GPC5: variants seen among roughly 807,000 people sequenced by gnomAD.
The protein encoded by GPC5 is glypican-5.
GPC5 carries 47 observed loss-of-function variants against 53.9 expected under a neutral mutation model. That is an observed-to-expected ratio of 0.87 (90% CI 0.69 to 1.11). The LOEUF is 1.11. Among genes scored for constraint, GPC5 ranks in the 50% most tolerant of loss-of-function variants. GPC5 has a pLI of 0.00. For synonymous variants in GPC5, 286 were observed against 263.3 expected, an observed-to-expected ratio of 1.09 and a Z score of -0.84; for missense variants, 748 against 713.1, an observed-to-expected ratio of 1.05 and a Z score of -0.56.
Position 92,148,713 on chromosome 13 carries a change from C to G in GPC5, c.1561+3724C>G, listed in dbSNP as rs2041886139. ...AAGTCGCCTCACCCCTTGCCTGACACCTGCCATTCTTTCACAGTAGCTAAC... is the reference window on the plus strand; with the variant it reads ...AAGTCGCCTCACCCCTTGCCTGACAGCTGCCATTCTTTCACAGTAGCTAAC... On this transcript the variant is annotated intron_variant, in intron 7 of 7. Transcript: ENST00000377067. Among the ~76,000 whole-genome samples the G allele has an allele frequency of 2.0e-5, 3 of 152,036 alleles. 1 individual carries two copies. The highest frequency in any genetic ancestry group is 2.0e-4 in the Admixed American group (3 of 15,238).
intron 7 of GPC5, among the ~76,000 whole-genome samples, chr13:92,696,401 A>G (rs917266525): frequency 2.0e-5 from 3 of 152,210 alleles, no homozygotes; most frequent in African/African-American, 7.2e-5. Flanking sequence ...AACTGGCATG[A>G]GATGGTATCT....
chr13:92,119,495 G>C (rs1283221726), intron 6 of GPC5, among the ~76,000 whole-genome samples: 1 of 144,840 alleles, frequency 6.9e-6, no homozygotes, highest in Admixed American at 7.2e-5. Context: ...GCCCCCCGGG[G>C]TTCACACCAT....
At chr13:92,768,723 C>G (rs1361928144) in intron 7 of GPC5, among the ~76,000 whole-genome samples, 1 of 151,702 alleles carries the variant, frequency 6.6e-6, no homozygotes, top group African/African-American at 2.4e-5. Context: ...CTCTCTTCCC[C>G]CTGTCTTGCC....
At chr13:92,143,683 A>G (rs1290259193) in intron 6 of GPC5, among the ~76,000 whole-genome samples, 5 of 152,160 alleles carry the variant, frequency 3.3e-5, no homozygotes, top group Non-Finnish European at 7.4e-5. Context: ...TGTACTGTTT[A>G]ATTTTAAAAG....
intron 5 of GPC5, among the ~76,000 whole-genome samples, chr13:91,903,493 G>T (rs1242464826): frequency 6.6e-6 from 1 of 152,068 alleles, no homozygotes; most frequent in African/African-American, 2.4e-5. Context: ...AGTTCCAGTT[G>T]CTCCACATCT....
chr13:92,095,374 G>T (rs552653514), intron 6 of GPC5, among the ~76,000 whole-genome samples: 50 of 151,964 alleles, frequency 3.3e-4, no homozygotes, highest in African/African-American at 1.2e-3. Flanking sequence ...TTTAGATGGT[G>T]TCTCTCTTCG....
chr13:91,509,171 T>C (rs1410002088), intron 2 of GPC5, among the ~76,000 whole-genome samples: 1 of 152,102 alleles, frequency 6.6e-6, no homozygotes, highest in Non-Finnish European at 1.5e-5. Context: ...AAATTTATTA[T>C]TCTAATGCCC....
At chr13:92,344,057 A>T (rs921550028) in intron 7 of GPC5, among the ~76,000 whole-genome samples, 30 of 148,208 alleles carry the variant, frequency 2.0e-4, no homozygotes, top group African/African-American at 6.3e-4. Context: ...GGGAGGTTAG[A>T]ATCTAAGAAG....
intron 6 of GPC5, among the ~76,000 whole-genome samples, chr13:92,004,622 T>G (rs1316224096): frequency 6.6e-6 from 1 of 151,304 alleles, no homozygotes; most frequent in Non-Finnish European, 1.5e-5. Context: ...CATTAGTACA[T>G]TTTCATGCTG....
rs567268014 is a variant in GPC5, at chr13:91,920,733, C to T, written c.1401+12676C>T. ...ACAGGCATCAGATTTGTAGCTGTATCTCAGCAGGAATACTAGAAGACAATG... is the reference window on the plus strand; with the variant it reads ...ACAGGCATCAGATTTGTAGCTGTATTTCAGCAGGAATACTAGAAGACAATG... On this transcript the variant is annotated intron_variant, in intron 6 of 7. Coordinates refer to ENST00000377067, the MANE Select transcript of GPC5 (RefSeq NM_004466.6). Among the ~76,000 whole-genome samples the T allele has an allele frequency of 2.3e-4, 35 of 152,184 alleles. No homozygotes were observed. The South Asian group carries it at 2.9e-3, about 13-fold the overall frequency.
At chr13:92,361,131 C>A (rs2043562877) in intron 7 of GPC5, among the ~76,000 whole-genome samples, 1 of 151,648 alleles carries the variant, frequency 6.6e-6, no homozygotes. Flanking sequence ...AACAATATCT[C>A]CATTTTTATG....
intron 7 of GPC5, among the ~76,000 whole-genome samples, chr13:92,374,100 G>C (rs1195582634): frequency 6.6e-6 from 1 of 152,072 alleles, no homozygotes; most frequent in Non-Finnish European, 1.5e-5. Flanking sequence ...CATAACTATA[G>C]AATCGAACTT....
At chr13:92,385,749 A>C (rs1874666150) in intron 7 of GPC5, among the ~76,000 whole-genome samples, 1 of 133,742 alleles carries the variant, frequency 7.5e-6, no homozygotes, top group Admixed American at 7.7e-5. Flanking sequence ...ACGTATATAT[A>C]CACGTGTATA....
chr13:91,954,597 A>G (rs1486703950), intron 6 of GPC5, among the ~76,000 whole-genome samples: 4 of 152,126 alleles, frequency 2.6e-5, no homozygotes, highest in Admixed American at 6.5e-5. Flanking sequence ...CCTTAACATG[A>G]TAAGTTTCTA....
intron 3 of GPC5, among the ~76,000 whole-genome samples, chr13:91,695,277 T>C (rs754745246): frequency 6.6e-6 from 1 of 152,130 alleles, no homozygotes; most frequent in Non-Finnish European, 1.5e-5. Context: ...CAATAAACCA[T>C]CTCAAAAGGA....
intron 7 of GPC5, among the ~76,000 whole-genome samples, chr13:92,303,088 T>C (rs778393801): frequency 7.2e-5 from 11 of 151,942 alleles, no homozygotes; most frequent in Non-Finnish European, 1.5e-4. Flanking sequence ...ATTTTCATTG[T>C]TTTTTTCCCC....
rs780298778 is a variant in GPC5, at chr13:92,060,580, T to TTAC, written c.1402-84248_1402-84246dup. Among the ~76,000 whole-genome samples, 17 of 152,188 alleles carry TTAC rather than the reference T, an allele frequency of 1.1e-4. No individual in the cohort carries two copies. The East Asian group carries it at 1.2e-3, about 10-fold the overall frequency. On this transcript the variant is annotated intron_variant, in intron 6 of 7. Coordinates refer to ENST00000377067, the MANE Select transcript of GPC5 (RefSeq NM_004466.6). Reference sequence around the variant, plus strand: ...GATATAGAATTCTCAGAGTTCTTTCTTACTTGATAATGACACAGAAAACAG... The same window carrying TTAC: ...GATATAGAATTCTCAGAGTTCTTTCTTACTACTTGATAATGACACAGAAAACAG...
intron 2 of GPC5, among the ~76,000 whole-genome samples, chr13:91,577,919 G>A (rs979486633): frequency 2.6e-5 from 4 of 152,146 alleles, no homozygotes; most frequent in Middle Eastern, 3.2e-3. Flanking sequence ...CCTTAAGTAT[G>A]AGCTGGACTT....
chr13:91,475,451 A>G (rs1054133019), intron 2 of GPC5, among the ~76,000 whole-genome samples: 3 of 152,222 alleles, frequency 2.0e-5, no homozygotes, highest in South Asian at 2.1e-4. Context: ...GTCAAAAAGC[A>G]TATGGTTTAT....
Sources: allele counts gnomAD v4.1 joint callset (sites outside exome capture counted in the v4.1 genomes callset), GRCh38; gene constraint gnomAD v4.1.1; transcripts MANE v1.5; gene names NCBI Gene and HGNC (gene_info 2026-07-23, HGNC 2026-07-21).